The following ABHD2 variants were observed in gnomAD, a reference collection of about 807,000 sequenced individuals.
ABHD2 encodes the protein abhydrolase domain containing 2, acylglycerol lipase, also known as monoacylglycerol lipase ABHD2.
A neutral mutation model predicts 48.1 loss-of-function variants in ABHD2; 20 were observed. The ratio of observed to expected loss-of-function variants is 0.42; its 90% confidence interval spans 0.29 to 0.60. The LOEUF (loss-of-function observed/expected upper bound fraction) is 0.60, where lower values mean the gene tolerates loss of function less well. Among genes scored for constraint, ABHD2 ranks in the 20% least tolerant of loss-of-function variants. The pLI, the probability that ABHD2 is intolerant of heterozygous loss-of-function variation, is 0.24. For synonymous variants in ABHD2, 209 were observed against 214.2 expected (o/e 0.98, Z 0.21); for missense variants, 405 against 550.9 (o/e 0.74, Z 2.65).
the ABHD2 span, among the ~76,000 whole-genome samples, chr15:89,064,513 C>G: frequency 4.1e-4 from 62 of 152,276 alleles, no homozygotes; most frequent in African/African-American, 1.5e-3. Flanking sequence ...CAGGAGTGAG[C>G]TATCGCGCCC....
intron 3 of ABHD2, chr15:89,135,847 T>G: frequency 1.3e-6 from 1 of 744,336 alleles, no homozygotes; most frequent in South Asian, 1.5e-5. Flanking sequence ...TGGGCGATAC[T>G]CAGAACAGAA....
At chr15:89,074,047 A>T in the ABHD2 span, among the ~76,000 whole-genome samples, 2 of 152,196 alleles carry the variant, frequency 1.3e-5, no homozygotes, top group Non-Finnish European at 2.9e-5. Flanking sequence ...CACCTCTGAC[A>T]GATTTCTTAC....
At chr15:89,105,851 AGAG>A (rs1361388194) in intron 1 of ABHD2, among the ~76,000 whole-genome samples, 2 of 151,770 alleles carry the variant, frequency 1.3e-5, no homozygotes, top group East Asian at 1.9e-4. Flanking sequence ...GGTGGTGGTG[AGAG>A]GAGGTCTTTT....
In ABHD2 at chr15:89,202,201, A is replaced by G. The variant is rs1427442125; in HGVS notation, c.*6778A>G. 1 of 160,714 alleles carries G rather than the reference A, an allele frequency of 6.2e-6. No individual in the cohort carries two copies. The highest frequency in any genetic ancestry group is 1.4e-5 in the Non-Finnish European group (1 of 73,664). The allele number at this position is 160,714 out of a possible 1,614,324, so 10.0% of individuals were successfully genotyped here. On this transcript the variant is annotated 3_prime_UTR_variant, in exon 11 of 11. Coordinates refer to ENST00000352732, the MANE Select transcript of ABHD2 (RefSeq NM_152924.5). ...TTTACCTTTATTAAGAAATTATACTAAACATTGATGTCCTTGATCATTTTA... is the reference window on the plus strand; with the variant it reads ...TTTACCTTTATTAAGAAATTATACTGAACATTGATGTCCTTGATCATTTTA...
At position 89,191,644 on chromosome 15, in the gene ABHD2, T is replaced by A. The variant is rs532883965; in HGVS notation, c.996+495T>A. Among the ~76,000 whole-genome samples the A allele has an allele frequency of 3.1e-3, 467 of 150,944 alleles. 3 individuals carry two copies. The highest frequency in any genetic ancestry group is 0.011 in the African/African-American group (434 of 41,240). On this transcript the variant is annotated intron_variant, in intron 9 of 10. Coordinates refer to ENST00000352732, the MANE Select transcript of ABHD2 (RefSeq NM_152924.5). The stretch of plus-strand genomic sequence containing the variant: ...ATTTTTTTCTTTTTTTTTTTTTTTT[T>A]TGAGATGGAGTCTCGCTCTGTCGCC...
intron 1 of ABHD2, among the ~76,000 whole-genome samples, chr15:89,109,892 A>G (rs779535781): frequency 1.3e-5 from 2 of 152,200 alleles, no homozygotes; most frequent in Non-Finnish European, 2.9e-5. Flanking sequence ...TGCAGATACC[A>G]AACCCACAGA....
At chr15:89,044,820 G>C in the ABHD2 span, among the ~76,000 whole-genome samples, 17 of 152,110 alleles carry the variant, frequency 1.1e-4, no homozygotes, top group African/African-American at 4.1e-4. Context: ...TGTCAGATGA[G>C]TAGGTTGTGA....
At chr15:89,074,103 G>C in the ABHD2 span, among the ~76,000 whole-genome samples, 2 of 152,120 alleles carry the variant, frequency 1.3e-5, no homozygotes, top group Admixed American at 6.6e-5. Flanking sequence ...GCCGGGCATG[G>C]TGGCTCACGC....
At chr15:89,115,563 C>G (rs1448625257) in intron 2 of ABHD2, among the ~76,000 whole-genome samples, 1 of 152,050 alleles carries the variant, frequency 6.6e-6, no homozygotes, top group Non-Finnish European at 1.5e-5. Context: ...TACTTTTAAC[C>G]TAATTTTGGA....
At chr15:89,133,329 C>T (rs1288506065) in intron 3 of ABHD2, among the ~76,000 whole-genome samples, 1 of 152,162 alleles carries the variant, frequency 6.6e-6, no homozygotes, top group Admixed American at 6.5e-5. Context: ...TAATCTTTTG[C>T]TTTCACAATG....
chr15:89,063,458 T>C, the ABHD2 span, among the ~76,000 whole-genome samples: 3 of 152,032 alleles, frequency 2.0e-5, no homozygotes, highest in African/African-American at 4.8e-5. Context: ...GACATATTAA[T>C]ATAAGTCCTG....
At chr15:89,057,070 C>T in the ABHD2 span, among the ~76,000 whole-genome samples, 6 of 152,082 alleles carry the variant, frequency 3.9e-5, no homozygotes, top group South Asian at 2.1e-4. Flanking sequence ...CACGCCACCA[C>T]GCCCGGCTAA....
chr15:89,143,151 G>C (rs537280805), intron 3 of ABHD2, among the ~76,000 whole-genome samples: 1 of 151,948 alleles, frequency 6.6e-6, no homozygotes, highest in South Asian at 2.1e-4. Flanking sequence ...GTTCTCTTGC[G>C]GCTGTTAGTT....
chr15:89,056,935 T>TAC, the ABHD2 span, among the ~76,000 whole-genome samples: 1 of 128,098 alleles, frequency 7.8e-6, no homozygotes. Flanking sequence ...TTTTTTGAGA[T>TAC]GGAGTTTTGC....
chr15:89,105,704 C>T (rs996627824), intron 1 of ABHD2, among the ~76,000 whole-genome samples: 2 of 152,198 alleles, frequency 1.3e-5, no homozygotes, highest in African/African-American at 4.8e-5. Flanking sequence ...GTTATGGTAA[C>T]CCACTCCCGC....
In ABHD2 at chr15:89,175,935, A is replaced by G. The variant is rs746904927; in HGVS notation, c.662A>G (p.Gln221Arg). 6.2e-7 allele frequency: 1 copy of G among 1,614,080 alleles called. No individual in the cohort carries two copies. The highest frequency in any genetic ancestry group is 8.5e-7 in the Non-Finnish European group (1 of 1,179,984). The part of the protein sequence containing the change: ...NIVCKYLGET[Q>R]ANQEKVLCCV... Reference sequence around the variant, plus strand: ...GTGTGCAAATACTTGGGGGAGACTCAGGCAAACCAAGAGAAGGTCCTGTGC... The same window carrying G: ...GTGTGCAAATACTTGGGGGAGACTCGGGCAAACCAAGAGAAGGTCCTGTGC... Residue 221 changes from glutamine to arginine, a missense_variant, in exon 6 of 11, where the codon CAG (glutamine) becomes CGG (arginine). Coordinates refer to ENST00000352732, the MANE Select transcript of ABHD2 (RefSeq NM_152924.5). The surrounding 1 kb of genome is among the most constrained non-coding windows in gnomAD (Gnocchi z 5.7).
At chr15:89,057,389 A>T in the ABHD2 span, among the ~76,000 whole-genome samples, 1,241 of 152,136 alleles carry the variant, frequency 8.2e-3, 15 homozygotes, top group African/African-American at 0.028. Context: ...CGCAGTGATG[A>T]TGGGGTTTCT....
At chr15:89,068,949 A>G in the ABHD2 span, among the ~76,000 whole-genome samples, 1 of 150,350 alleles carries the variant, frequency 6.7e-6, no homozygotes, top group African/African-American at 2.4e-5. Flanking sequence ...TTGTATTTTT[A>G]GTAGAAATGG....
rs1463574063 is a variant in ABHD2, at chr15:89,116,763, A to G, written c.194+242A>G. 6.6e-6 allele frequency among the ~76,000 whole-genome samples: 1 copy of G among 152,322 alleles called. No individual in the cohort carries two copies. Among genetic ancestry groups the G allele is most frequent in the Non-Finnish European group, 1.5e-5 (1 of 68,034 alleles). On this transcript the variant is annotated intron_variant, in intron 3 of 10. Coordinates refer to ENST00000352732, the MANE Select transcript of ABHD2 (RefSeq NM_152924.5). This position sits in a 1 kb window ranked among gnomAD's most constrained non-coding sequence, Gnocchi z 4.6. ...ACAGTGTGATGTCATTATCCATGAC[A>G]GGGACTTTGCAGAAAATAGTAGTCA... is the stretch of plus-strand genomic sequence containing the variant.
Sources: gnomAD v4.1 joint callset for allele counts (sites outside exome capture counted in the v4.1 genomes callset) on GRCh38, gnomAD v4.1.1 for gene constraint, Gnocchi (gnomAD v3.1) non-coding constraint, MANE v1.5 for transcripts, NCBI Gene and HGNC (gene_info 2026-07-23, HGNC 2026-07-21) for gene names.